The following ZNF236 variants were observed in gnomAD, a reference collection of about 807,000 sequenced individuals.
The protein encoded by ZNF236 is zinc finger protein 236, also known as regulated by glucose.
ZNF236 carries 50 observed loss-of-function variants against 191.2 expected under a neutral mutation model. That is an observed-to-expected ratio of 0.26 (90% CI 0.21 to 0.33). The LOEUF is 0.33. ZNF236 is among the 10% of genes least tolerant of loss of function. ZNF236 has a pLI of 1.00. For missense variants in ZNF236, 1,754 were observed against 2,374.5 expected (o/e 0.74, Z 5.43); for synonymous variants, 907 against 928.8 (o/e 0.98, Z 0.43).
intron 1 of ZNF236, among the ~76,000 whole-genome samples, chr18:76,838,914 C>G: frequency 6.6e-6 from 1 of 152,208 alleles, no homozygotes. Flanking sequence ...CGACTAGCCA[C>G]TTTGCTGATT....
Position 76,899,035 on chromosome 18 carries a change from T to A in ZNF236, c.1707T>A (p.Ala569=). Reference sequence around the variant, plus strand: ...TTTTATTAGGAGTTAGACCTTTTGCTTGTCCTCACTGTGACAAAAAATTTC... The same window carrying A: ...TTTTATTAGGAGTTAGACCTTTTGCATGTCCTCACTGTGACAAAAAATTTC... ...IRLHTGVRPF[A]CPHCDKKFRT... is the part of the protein sequence containing the mutation. The change falls in exon 11 of 31, where the codon GCT becomes GCA. Residue 569 remains alanine, a synonymous_variant. Coordinates refer to ENST00000320610, the MANE Select transcript of ZNF236 (RefSeq NM_001306089.2). 1 of 1,614,122 alleles carries A rather than the reference T, an allele frequency of 6.2e-7. No homozygotes were observed. The highest frequency in any genetic ancestry group is 8.5e-7 in the Non-Finnish European group (1 of 1,179,938).
chr18:76,936,711 T>C (rs753730316), intron 25 of ZNF236, among the ~76,000 whole-genome samples: 34 of 152,180 alleles, frequency 2.2e-4, no homozygotes, highest in African/African-American at 4.6e-4. Flanking sequence ...ACTTGCTTCC[T>C]TTCTTCAGCT....
At chr18:76,860,988 T>G (rs1976202382) in intron 3 of ZNF236, among the ~76,000 whole-genome samples, 1 of 152,154 alleles carries the variant, frequency 6.6e-6, no homozygotes, top group Admixed American at 6.5e-5. Flanking sequence ...CACAGCTTCC[T>G]TGGCACTGTG....
chr18:76,839,887 T>A (rs1437701807), intron 1 of ZNF236, among the ~76,000 whole-genome samples: 1 of 152,212 alleles, frequency 6.6e-6, no homozygotes, highest in Non-Finnish European at 1.5e-5. Context: ...TTATGCTATA[T>A]ATAGAAAATT....
intron 9 of ZNF236, chr18:76,886,410 A>G (rs1005778590): frequency 4.6e-5 from 7 of 153,462 alleles, no homozygotes; most frequent in African/African-American, 1.7e-4. Flanking sequence ...AAGTTCCGAA[A>G]AACTCATGTC....
In ZNF236 at chr18:76,927,647, C is replaced by G; in HGVS notation, c.4414+130C>G. 1 of 1,253,572 alleles carries G rather than the reference C, an allele frequency of 8.0e-7. No individual in the cohort carries two copies. Among genetic ancestry groups the G allele is most frequent in the South Asian group, 1.6e-5 (1 of 63,402 alleles). The allele number at this position is 1,253,572 out of a possible 1,614,324, so 77.7% of individuals were successfully genotyped here. On this transcript the variant is annotated intron_variant, in intron 24 of 30. Transcript: ENST00000320610. This position sits in a 1 kb window ranked among gnomAD's most constrained non-coding sequence, Gnocchi z 5.4. ...TGTAGAAGAGAATAAATCAAATGTC[C>G]TGAGAATAAAATAAGCTTTTCTTAC...
rs1968837819 is a variant in ZNF236, at chr18:76,968,392, G to A, written c.*53G>A. ...TGTTTCTGAAGTTACGTTTTGTGAA[G>A]AGCAAAGCACTTGGAATCTCCGTTT... On this transcript the variant is annotated 3_prime_UTR_variant, in exon 31 of 31. Coordinates refer to ENST00000320610, the MANE Select transcript of ZNF236 (RefSeq NM_001306089.2). 9 of 1,567,996 alleles carry A rather than the reference G, an allele frequency of 5.7e-6. No individual in the cohort carries two copies. The highest frequency in any genetic ancestry group is 6.8e-6 in the Non-Finnish European group (8 of 1,167,984).
intron 1 of ZNF236, among the ~76,000 whole-genome samples, chr18:76,832,856 C>A (rs1021047139): frequency 6.6e-6 from 1 of 152,078 alleles, no homozygotes; most frequent in Non-Finnish European, 1.5e-5. Flanking sequence ...TGAATCTAAA[C>A]ATGATCTCTC....
At chr18:76,916,856 G>A (rs1032073235) in intron 19 of ZNF236, among the ~76,000 whole-genome samples, 21 of 152,100 alleles carry the variant, frequency 1.4e-4, no homozygotes, top group Non-Finnish European at 1.8e-4. Context: ...TGCTAAATGG[G>A]GACTGTCATC....
Position 76,861,689 on chromosome 18 carries a change from A to G in ZNF236, c.364-6996A>G, listed in dbSNP as rs370959593. 2.1e-4 allele frequency among the ~76,000 whole-genome samples: 32 copies of G among 152,296 alleles called. No individual in the cohort carries two copies. In the East Asian group the frequency reaches 3.1e-3, roughly 15 times the overall value. On this transcript the variant is annotated intron_variant, in intron 3 of 30. Transcript: ENST00000320610. ...TTTCTTACCTTTAATTGTATTTAAA[A>G]ATAACCTCTAAGGTTCCAGCCACAG...
intron 1 of ZNF236, among the ~76,000 whole-genome samples, chr18:76,830,448 C>T (rs1415881240): frequency 6.6e-6 from 1 of 152,206 alleles, no homozygotes; most frequent in South Asian, 2.1e-4. Context: ...GCCAGCCAGT[C>T]GCCCAGTGAC....
intron 10 of ZNF236, among the ~76,000 whole-genome samples, chr18:76,895,702 A>G (rs1296054405): frequency 6.6e-6 from 1 of 151,516 alleles, no homozygotes; most frequent in East Asian, 1.9e-4. Context: ...ATAGTACTGA[A>G]CACAGTACTG....
At chr18:76,953,311 A>G (rs1968451742) in intron 27 of ZNF236, among the ~76,000 whole-genome samples, 1 of 152,222 alleles carries the variant, frequency 6.6e-6, no homozygotes, top group Admixed American at 6.5e-5. Context: ...CTCACTGCTT[A>G]AGGGGCCATG....
intron 27 of ZNF236, among the ~76,000 whole-genome samples, chr18:76,954,612 A>T (rs1968480127): frequency 6.6e-6 from 1 of 152,214 alleles, no homozygotes; most frequent in Admixed American, 6.5e-5. Flanking sequence ...CACCTGACAC[A>T]GGTGTCATTT....
intron 15 of ZNF236, 125 bp downstream of exon 15, chr18:76,910,294 T>G: frequency 1.2e-6 from 1 of 804,126 alleles, no homozygotes; most frequent in Non-Finnish European, 1.9e-6. Context: ...ACCAAATAAC[T>G]TTTTGCATGC....
At chr18:76,904,956 C>T (rs865906198) in intron 12 of ZNF236, among the ~76,000 whole-genome samples, 199 bp from the exon 13 acceptor site, 15 of 152,190 alleles carry the variant, frequency 9.9e-5, no homozygotes, top group African/African-American at 3.6e-4. Flanking sequence ...TCATCTCAGT[C>T]GTGTGACTTG....
At chr18:76,946,853 T>C (rs1968274729) in intron 26 of ZNF236, among the ~76,000 whole-genome samples, 1 of 152,236 alleles carries the variant, frequency 6.6e-6, no homozygotes, top group African/African-American at 2.4e-5. Context: ...TTTTTAAATA[T>C]ACACACATGT....
intron 28 of ZNF236, among the ~76,000 whole-genome samples, chr18:76,958,489 G>A (rs978992929): frequency 1.3e-5 from 2 of 152,168 alleles, no homozygotes; most frequent in Admixed American, 6.5e-5. Context: ...CTGTTCCCCC[G>A]TGGACTCTCT....
chr18:76,857,270 C>A (rs758958358), intron 3 of ZNF236, among the ~76,000 whole-genome samples: 25 of 152,310 alleles, frequency 1.6e-4, no homozygotes, highest in South Asian at 6.2e-4. Flanking sequence ...CCTGAATGCT[C>A]TGAAGGAGCC....
Sources: allele counts gnomAD v4.1 joint callset (sites outside exome capture counted in the v4.1 genomes callset), GRCh38; gene constraint gnomAD v4.1.1; non-coding constraint Gnocchi (gnomAD v3.1); transcripts MANE v1.5; gene names NCBI Gene and HGNC (gene_info 2026-07-23, HGNC 2026-07-21).